The following FKBP5 variants were observed in gnomAD, a reference collection of about 807,000 sequenced individuals.
FKBP5 encodes the protein peptidyl-prolyl cis-trans isomerase FKBP5.
FKBP5 carries 23 observed loss-of-function variants against 50.5 expected under a neutral mutation model. The observed-to-expected ratio is 0.46, with a 90% CI of 0.33 to 0.65. FKBP5 has a LOEUF of 0.65. Ranked by LOEUF, FKBP5 falls within the 30% of genes least tolerant of loss-of-function variation. The pLI is 0.02. For synonymous variants in FKBP5, 176 were observed against 190.6 expected (o/e 0.92, Z 0.63); for missense variants, 411 against 553.1 (o/e 0.74, Z 2.58).
intron 1 of FKBP5, among the ~76,000 whole-genome samples, chr6:35,650,549 C>A (rs569851437): frequency 4.6e-5 from 7 of 152,206 alleles, no homozygotes; most frequent in African/African-American, 1.7e-4. Context: ...TCTTGGCTCA[C>A]TGCAATCTCC....
intron 3 of FKBP5, among the ~76,000 whole-genome samples, chr6:35,624,302 C>T (rs1215335517): frequency 6.6e-6 from 1 of 152,112 alleles, no homozygotes; most frequent in African/African-American, 2.4e-5. Context: ...GACAAGGTCA[C>T]TCTGAGACTG....
At chr6:35,577,266 C>A (rs375912702) in intron 9 of FKBP5, 33 bp from the exon 10 acceptor site, 1 of 1,509,790 alleles carries the variant, frequency 6.6e-7, no homozygotes, top group Non-Finnish European at 8.9e-7. Context: ...TTAGAAAGGA[C>A]GAATTTTAAT....
At chr6:35,640,592 A>G (rs962407915) in intron 2 of FKBP5, among the ~76,000 whole-genome samples, 2 of 152,190 alleles carry the variant, frequency 1.3e-5, no homozygotes, top group African/African-American at 4.8e-5. Context: ...TTTAATAATA[A>G]ATCAATCTTA....
intron 1 of FKBP5, among the ~76,000 whole-genome samples, chr6:35,682,699 A>G (rs1027125674): frequency 6.6e-6 from 1 of 152,108 alleles, no homozygotes; most frequent in Non-Finnish European, 1.5e-5. Flanking sequence ...TTCATCTCTT[A>G]TTCTTCTTTC....
chr6:35,685,676 T>G (rs1277654728), intron 1 of FKBP5, among the ~76,000 whole-genome samples: 1 of 152,148 alleles, frequency 6.6e-6, no homozygotes, highest in Non-Finnish European at 1.5e-5. Flanking sequence ...AGCAAGCATA[T>G]TACTGTTAAA....
intron 2 of FKBP5, among the ~76,000 whole-genome samples, chr6:35,716,920 G>A (rs1363759102): frequency 6.6e-6 from 1 of 152,200 alleles, no homozygotes; most frequent in Non-Finnish European, 1.5e-5. Flanking sequence ...TGGGCATGGG[G>A]CATCTGCAGC....
At chr6:35,682,363 C>T (rs974294996) in intron 1 of FKBP5, among the ~76,000 whole-genome samples, 8 of 152,222 alleles carry the variant, frequency 5.3e-5, no homozygotes, top group East Asian at 3.8e-4. Context: ...AGTAACCTAT[C>T]GCAGCATTAT....
chr6:35,605,675 G>A (rs1763291572), intron 5 of FKBP5, among the ~76,000 whole-genome samples: 3 of 152,030 alleles, frequency 2.0e-5, no homozygotes, highest in Admixed American at 2.0e-4. Flanking sequence ...TGGGATTACA[G>A]GTGTGAACCA....
At chr6:35,716,193 G>A (rs1198202189) in intron 2 of FKBP5, among the ~76,000 whole-genome samples, 2 of 151,996 alleles carry the variant, frequency 1.3e-5, no homozygotes. Flanking sequence ...GCACTGTAGG[G>A]AGACCTCGTT....
At chr6:35,688,593 G>A (rs907873531) in intron 1 of FKBP5, 8 of 150,890 alleles carry the variant, frequency 5.3e-5, no homozygotes, top group African/African-American at 1.9e-4. Context: ...GCGCGGCGAG[G>A]GGCGCCGCAG....
At chr6:35,640,613 A>G (rs1764458271) in intron 2 of FKBP5, among the ~76,000 whole-genome samples, 2 of 152,184 alleles carry the variant, frequency 1.3e-5, no homozygotes, top group African/African-American at 4.8e-5. Flanking sequence ...GCTTACTATA[A>G]CATTTTTACT....
intron 1 of FKBP5, among the ~76,000 whole-genome samples, chr6:35,721,188 C>T (rs1766603454): frequency 6.6e-6 from 1 of 151,942 alleles, no homozygotes; most frequent in African/African-American, 2.4e-5. Flanking sequence ...CCCGTCTCTA[C>T]TAAAAATACA....
intron 2 of FKBP5, among the ~76,000 whole-genome samples, chr6:35,695,024 G>A (rs1431317810): frequency 1.3e-5 from 2 of 152,050 alleles, no homozygotes; most frequent in Non-Finnish European, 2.9e-5. Flanking sequence ...ACAAAAACAC[G>A]CAGCCATCTT....
intron 2 of FKBP5, among the ~76,000 whole-genome samples, chr6:35,701,501 C>A (rs1766188723): frequency 6.6e-6 from 1 of 151,618 alleles, no homozygotes; most frequent in Non-Finnish European, 1.5e-5. Flanking sequence ...CCTCGGCCTC[C>A]CAAAGTGCTG....
At chr6:35,694,943 A>G (rs2151017008) in intron 2 of FKBP5, among the ~76,000 whole-genome samples, 1 of 152,352 alleles carries the variant, frequency 6.6e-6, no homozygotes, top group African/African-American at 2.4e-5. Context: ...AGCACAAAGC[A>G]GCCATATAGC....
At position 35,574,543 on chromosome 6, in the gene FKBP5, G is replaced by A. The variant is rs534072974; in HGVS notation, c.*1292C>T. ...GTCAGCTCAAGTACTGGAGATTTAGGCTACTGGCTGTGTACCGGCATGGGA... is the reference window on the plus strand; with the variant it reads ...GTCAGCTCAAGTACTGGAGATTTAGACTACTGGCTGTGTACCGGCATGGGA... On this transcript the variant is annotated 3_prime_UTR_variant, in exon 11 of 11. Coordinates refer to ENST00000357266, the MANE Select transcript of FKBP5 (RefSeq NM_004117.4). 1 of 152,318 alleles carries A rather than the reference G, an allele frequency of 6.6e-6. No individual in the cohort carries two copies. The highest frequency in any genetic ancestry group is 1.9e-4 in the East Asian group (1 of 5,184). 9.4% of individuals were successfully genotyped at this position (152,318 alleles called of 1,614,324 possible).
chr6:35,617,922 T>C (rs1763710848), intron 5 of FKBP5, among the ~76,000 whole-genome samples: 1 of 152,182 alleles, frequency 6.6e-6, no homozygotes, highest in Non-Finnish European at 1.5e-5. Context: ...TAGCTTCAGG[T>C]TACTCAATAA....
chr6:35,604,901 C>T (rs1016322179), intron 5 of FKBP5, among the ~76,000 whole-genome samples: 2 of 151,952 alleles, frequency 1.3e-5, no homozygotes, highest in East Asian at 3.9e-4. Flanking sequence ...CGCCATTCTC[C>T]TGCCTCCCAA....
At chr6:35,674,307 A>C (rs1765472074) in intron 1 of FKBP5, among the ~76,000 whole-genome samples, 1 of 152,246 alleles carries the variant, frequency 6.6e-6, no homozygotes, top group Non-Finnish European at 1.5e-5. Flanking sequence ...AGTTATTTTG[A>C]AATCAAGGAA....
Sources: gnomAD v4.1 joint callset for allele counts (sites outside exome capture counted in the v4.1 genomes callset) on GRCh38, gnomAD v4.1.1 for gene constraint, MANE v1.5 for transcripts, NCBI Gene and HGNC (gene_info 2026-07-23, HGNC 2026-07-21) for gene names.